The following HCN1 variants were observed in gnomAD, a reference collection of about 807,000 sequenced individuals.
HCN1 encodes hyperpolarization activated cyclic nucleotide gated potassium channel 1.
In HCN1, 13 loss-of-function variants were observed where a neutral mutation model predicts 78.9. The ratio of observed to expected loss-of-function variants is 0.16; its 90% CI spans 0.11 to 0.26. HCN1 has a LOEUF of 0.26. Ranked by LOEUF, HCN1 falls within the 10% of genes least tolerant of loss-of-function variation. The pLI is 1.00. For missense variants in HCN1, 810 were observed against 1,154.3 expected (o/e 0.70, Z 4.32); for synonymous variants, 552 against 455.5 (o/e 1.21, Z -2.70).
intron 6 of HCN1, among the ~76,000 whole-genome samples, chr5:45,299,970 C>A (rs537645642): frequency 6.6e-6 from 1 of 152,020 alleles, no homozygotes; most frequent in Admixed American, 6.6e-5. Context: ...CAGAAATGAT[C>A]TTATGGTTTA....
intron 4 of HCN1, among the ~76,000 whole-genome samples, chr5:45,367,502 A>G (rs2111999871): frequency 6.6e-6 from 1 of 152,030 alleles, no homozygotes; most frequent in East Asian, 1.9e-4. Flanking sequence ...GCAACTCAGG[A>G]AAGTAGCATA....
intron 5 of HCN1, 37 bp from the exon 6 acceptor site, chr5:45,303,876 T>C (rs778209174): frequency 2.6e-6 from 4 of 1,566,830 alleles, no homozygotes; most frequent in Non-Finnish European, 3.5e-6. Flanking sequence ...TTAAGAGAGA[T>C]ATTAATCATA....
Position 45,660,579 on chromosome 5 carries a change from C to A in HCN1, c.426-14971G>T, listed in dbSNP as rs553126078. ...AACCCATCTCATGTGCAGAGACACA[C>A]ATAGGCTCAAAATAAAAGCATGGAA... On this transcript the variant is annotated intron_variant, in intron 1 of 7. Coordinates refer to ENST00000303230, the MANE Select transcript of HCN1 (RefSeq NM_021072.4). 2.0e-5 allele frequency among the ~76,000 whole-genome samples: 3 copies of A among 152,160 alleles called. No homozygotes were observed. In the East Asian group the frequency reaches 5.8e-4, roughly 29 times the overall value.
At chr5:45,641,164 T>C (rs867450380) in intron 2 of HCN1, among the ~76,000 whole-genome samples, 1 of 152,170 alleles carries the variant, frequency 6.6e-6, no homozygotes, top group South Asian at 2.1e-4. Context: ...TATGTGTTTT[T>C]AAAAATATAA....
intron 1 of HCN1, among the ~76,000 whole-genome samples, chr5:45,664,424 A>T (rs1446994079): frequency 1.1e-4 from 16 of 146,188 alleles, no homozygotes; most frequent in South Asian, 4.5e-4. Context: ...AACCTGCACA[A>T]TGTGCACATG....
At chr5:45,443,800 A>AT (rs984580131) in intron 3 of HCN1, among the ~76,000 whole-genome samples, 71 of 152,164 alleles carry the variant, frequency 4.7e-4, no homozygotes, top group African/African-American at 1.7e-3. Context: ...CTAGAAGGCT[A>AT]TTTTGTTACA....
intron 2 of HCN1, among the ~76,000 whole-genome samples, chr5:45,566,872 C>A (rs911343187): frequency 4.6e-5 from 7 of 152,124 alleles, no homozygotes; most frequent in Non-Finnish European, 8.8e-5. Flanking sequence ...AAACTTTGAA[C>A]AAGGACAAGT....
At chr5:45,446,342 G>A in intron 3 of HCN1, among the ~76,000 whole-genome samples, 1 of 152,036 alleles carries the variant, frequency 6.6e-6, no homozygotes, top group Non-Finnish European at 1.5e-5. Flanking sequence ...TAGACATGAA[G>A]AATAAAAAGA....
intron 3 of HCN1, among the ~76,000 whole-genome samples, chr5:45,456,597 A>C (rs940309468): frequency 6.6e-6 from 1 of 152,080 alleles, no homozygotes; most frequent in Admixed American, 6.6e-5. Context: ...TACAAGTATA[A>C]AACTAAAACA....
intron 2 of HCN1, among the ~76,000 whole-genome samples, chr5:45,562,721 C>A (rs189474963): frequency 5.3e-5 from 8 of 152,108 alleles, no homozygotes; most frequent in African/African-American, 1.9e-4. Context: ...AAGACTAAAA[C>A]CAGAATTGCC....
At chr5:45,581,461 T>C (rs1744071222) in intron 2 of HCN1, among the ~76,000 whole-genome samples, 1 of 152,216 alleles carries the variant, frequency 6.6e-6, no homozygotes, top group South Asian at 2.1e-4. Context: ...TTTCTCCCAT[T>C]CTGTAGGTTG....
At chr5:45,582,772 G>A (rs1217019710) in intron 2 of HCN1, among the ~76,000 whole-genome samples, 1 of 152,172 alleles carries the variant, frequency 6.6e-6, no homozygotes, top group African/African-American at 2.4e-5. Context: ...CATCTATTGA[G>A]ATAATCGTGT....
Position 45,427,273 on chromosome 5 carries a change from A to G in HCN1, c.1012-30563T>C, listed in dbSNP as rs182603153. Among the ~76,000 whole-genome samples, 412 of 152,160 alleles carry G rather than the reference A, an allele frequency of 2.7e-3. 2 individuals are homozygous for G. Among genetic ancestry groups the G allele is most frequent in the African/African-American group, 9.1e-3 (380 of 41,548 alleles). On this transcript the variant is annotated intron_variant, in intron 3 of 7. Coordinates refer to ENST00000303230, the MANE Select transcript of HCN1 (RefSeq NM_021072.4). ...TCACAATTTTCTACCTTTAAATGTC[A>G]AAAGCAAAACAGAAAAAAAAAATAC...
At chr5:45,540,764 C>G (rs898061737) in intron 2 of HCN1, among the ~76,000 whole-genome samples, 9 of 151,990 alleles carry the variant, frequency 5.9e-5, no homozygotes, top group South Asian at 4.1e-4. Flanking sequence ...TCTAATTGAG[C>G]TGTTCAAACT....
At chr5:45,498,079 T>C (rs555951667) in intron 2 of HCN1, among the ~76,000 whole-genome samples, 15 of 152,272 alleles carry the variant, frequency 9.9e-5, no homozygotes, top group African/African-American at 3.4e-4. Context: ...GTTGCTCTTC[T>C]CGAGGAGTAT....
intron 4 of HCN1, among the ~76,000 whole-genome samples, chr5:45,386,510 C>T (rs771335879): frequency 8.6e-5 from 13 of 152,046 alleles, no homozygotes; most frequent in Admixed American, 1.3e-4. Flanking sequence ...GTCCTTTCTG[C>T]GCATCTACTT....
intron 5 of HCN1, among the ~76,000 whole-genome samples, chr5:45,351,926 G>T (rs1746912448): frequency 6.6e-6 from 1 of 152,060 alleles, no homozygotes; most frequent in African/African-American, 2.4e-5. Flanking sequence ...TACACTGTTG[G>T]CGGGACTGTA....
At chr5:45,663,120 T>C (rs1561236856) in intron 1 of HCN1, among the ~76,000 whole-genome samples, 3 of 148,746 alleles carry the variant, frequency 2.0e-5, no homozygotes, top group Middle Eastern at 3.4e-3. Flanking sequence ...TATAGATGAA[T>C]GGAACAGAAC....
chr5:45,338,260 C>G (rs1746505599), intron 5 of HCN1, among the ~76,000 whole-genome samples: 1 of 152,100 alleles, frequency 6.6e-6, no homozygotes, highest in Non-Finnish European at 1.5e-5. Flanking sequence ...AAGGTATGAC[C>G]TATTCCTCAC....
Sources: allele counts gnomAD v4.1 joint callset (sites outside exome capture counted in the v4.1 genomes callset), GRCh38; gene constraint gnomAD v4.1.1; transcripts MANE v1.5; gene names NCBI Gene and HGNC (gene_info 2026-07-23, HGNC 2026-07-21).